SDK1: variants seen among roughly 807,000 people sequenced by gnomAD.
SDK1 encodes sidekick cell adhesion molecule 1.
In SDK1, 157 loss-of-function variants were observed where a neutral mutation model predicts 245.5. The observed-to-expected ratio is 0.64, with a 90% CI of 0.56 to 0.73. The LOEUF (loss-of-function observed/expected upper bound fraction) is 0.73. Among genes scored for constraint, SDK1 ranks in the 30% least tolerant of loss-of-function variants. The probability of loss-of-function intolerance (pLI) is 0.00; values close to 1 mark genes in which losing one functional copy is unlikely to be tolerated. For synonymous variants in SDK1, 1,647 were observed against 1,278.5 expected (o/e 1.29, Z -6.15); for missense variants, 3,583 against 3,002.3 (o/e 1.19, Z -4.52).
At chr7:3,931,374 T>C (rs1204211164) in intron 5 of SDK1, among the ~76,000 whole-genome samples, 1 of 152,216 alleles carries the variant, frequency 6.6e-6, no homozygotes, top group Non-Finnish European at 1.5e-5. Context: ...TCCTCTGCCA[T>C]GGTTTTAGAT....
At chr7:4,047,626 C>T (rs1212169129) in intron 17 of SDK1, among the ~76,000 whole-genome samples, 1 of 152,226 alleles carries the variant, frequency 6.6e-6, no homozygotes, top group African/African-American at 2.4e-5. Flanking sequence ...TCTTGTAGCT[C>T]ACATTCAGCC....
Position 4,139,511 on chromosome 7 carries a change from ATATATGTGTGTGTATGTGTGTG to A in SDK1, c.4229-6209_4229-6188del, listed in dbSNP as rs1445133550. 4.4e-4 allele frequency among the ~76,000 whole-genome samples: 21 copies of A among 47,642 alleles called. 1 individual carries two copies. The highest frequency in any genetic ancestry group is 2.1e-3 in the East Asian group (1 of 474). The allele number at this position is 47,642 out of a possible 152,430, so 31.3% of individuals were successfully genotyped here. The stretch of plus-strand genomic sequence containing the variant: ...TGTATATATGTGTGTGTGTATATGT[ATATATGTGTGTGTATGTGTGTG>A]TGTATATATGTGTGTGTATATGTAT... On this transcript the variant is annotated intron_variant, in intron 28 of 44. Transcript: ENST00000404826.
rs1184772497 is a variant in SDK1 at position 4,265,164 on chromosome 7, C to G, written c.6422C>G (p.Ser2141Cys). 6.2e-7 allele frequency: 1 copy of G among 1,612,552 alleles called. No homozygotes were observed. Among genetic ancestry groups the G allele is most frequent in the South Asian group, 1.1e-5 (1 of 91,024 alleles). The change falls in exon 45 of 45, where the codon TCC becomes TGC. Residue 2141 changes from serine to cysteine, a missense_variant. Transcript: ENST00000404826. ...SDYEDALPKH[S>C]FVNHYMSDPT... ...TACGAGGACGCGCTGCCCAAGCACT[C>G]CTTCGTGAACCACTACATGAGCGAC...
intron 5 of SDK1, among the ~76,000 whole-genome samples, chr7:3,921,615 G>A (rs2128113259): frequency 6.6e-6 from 1 of 152,222 alleles, no homozygotes; most frequent in South Asian, 2.1e-4. Context: ...AAGGAAATGA[G>A]GGAATCTAAA....
intron 4 of SDK1, among the ~76,000 whole-genome samples, chr7:3,698,954 G>A (rs1784662597): frequency 6.6e-6 from 1 of 152,122 alleles, no homozygotes; most frequent in Non-Finnish European, 1.5e-5. Flanking sequence ...TCCTACCCAG[G>A]AGAGACATCA....
intron 20 of SDK1, among the ~76,000 whole-genome samples, chr7:4,075,302 G>C (rs1454164836): frequency 6.6e-6 from 1 of 152,178 alleles, no homozygotes; most frequent in Non-Finnish European, 1.5e-5. Context: ...GGGGCCTGTG[G>C]CACGGCCAGG....
chr7:3,447,380 G>T (rs938941620), intron 1 of SDK1, among the ~76,000 whole-genome samples: 1 of 152,030 alleles, frequency 6.6e-6, no homozygotes, highest in African/African-American at 2.4e-5. Context: ...ATTGTAGGGT[G>T]TATCTCTTCA....
At chr7:4,089,074 C>G (rs1467819374) in intron 22 of SDK1, among the ~76,000 whole-genome samples, 1 of 140,622 alleles carries the variant, frequency 7.1e-6, no homozygotes, top group Admixed American at 6.8e-5. Context: ...GGAGGTGAGA[C>G]CCTCCCTCAG....
intron 1 of SDK1, among the ~76,000 whole-genome samples, chr7:3,562,556 A>G (rs1210556218): frequency 6.6e-6 from 1 of 152,252 alleles, no homozygotes; most frequent in Non-Finnish European, 1.5e-5. Flanking sequence ...GTGGCTAAGT[A>G]GACGGGTAGC....
chr7:3,687,750 C>A (rs889275859), intron 4 of SDK1, among the ~76,000 whole-genome samples: 1 of 152,174 alleles, frequency 6.6e-6, no homozygotes, highest in South Asian at 2.1e-4. Context: ...TGGATGCGAT[C>A]ATCAGAAAGT....
At chr7:3,883,685 G>A (rs1053163197) in intron 5 of SDK1, among the ~76,000 whole-genome samples, 1 of 143,332 alleles carries the variant, frequency 7.0e-6, no homozygotes, top group East Asian at 2.0e-4. Context: ...TCTGGACCTC[G>A]CTCCCTCGCT....
chr7:4,151,021 G>A (rs1421481309), intron 30 of SDK1, among the ~76,000 whole-genome samples: 1 of 152,222 alleles, frequency 6.6e-6, no homozygotes, highest in African/African-American at 2.4e-5. Context: ...TTTGAGTTGC[G>A]AGGCTTGGAG....
At chr7:4,090,026 G>A (rs1781685460) in intron 22 of SDK1, among the ~76,000 whole-genome samples, 1 of 152,152 alleles carries the variant, frequency 6.6e-6, no homozygotes, top group African/African-American at 2.4e-5. Context: ...GTGTCTTTAG[G>A]AGTCGTCCTA....
Position 3,763,882 on chromosome 7 carries a change from A to G in SDK1, c.714-57568A>G, listed in dbSNP as rs79986969. Among the ~76,000 whole-genome samples, 599 of 152,332 alleles carry G rather than the reference A, an allele frequency of 3.9e-3. 5 individuals carry two copies. Among genetic ancestry groups the G allele is most frequent in the African/African-American group, 0.014 (584 of 41,564 alleles). ...GCTCCTCACATGATTTTACGAATGT[A>G]TGCATCCGTGTCCTATAAGTCCATT... On this transcript the variant is annotated intron_variant, in intron 4 of 44. Transcript: ENST00000404826.
intron 1 of SDK1, among the ~76,000 whole-genome samples, chr7:3,522,710 A>G (rs534964476): frequency 1.2e-4 from 18 of 152,286 alleles, no homozygotes; most frequent in Non-Finnish European, 1.5e-4. Context: ...GGGACGTGCT[A>G]TCCTAATCTG....
intron 1 of SDK1, among the ~76,000 whole-genome samples, chr7:3,533,841 A>G (rs929844519): frequency 1.3e-5 from 2 of 151,488 alleles, no homozygotes; most frequent in Non-Finnish European, 2.9e-5. Flanking sequence ...TATTCAATAT[A>G]TTTCCTTTTG....
intron 1 of SDK1, among the ~76,000 whole-genome samples, chr7:3,462,778 A>T (rs1780873916): frequency 6.6e-6 from 1 of 152,142 alleles, no homozygotes; most frequent in South Asian, 2.1e-4. Flanking sequence ...AGCTGTCATC[A>T]TCTCTTTCTT....
chr7:4,170,440 C>T (rs144088137), intron 32 of SDK1, among the ~76,000 whole-genome samples: 2 of 151,796 alleles, frequency 1.3e-5, no homozygotes, highest in Admixed American at 6.6e-5. Context: ...GGGTGAGATC[C>T]TGTCTCAAAA....
intron 1 of SDK1, among the ~76,000 whole-genome samples, chr7:3,384,242 A>G (rs1370530255): frequency 2.0e-5 from 3 of 152,118 alleles, no homozygotes; most frequent in Non-Finnish European, 4.4e-5. Context: ...AGTATTTTTT[A>G]TGTATACTTT....
Sources: allele counts gnomAD v4.1 joint callset (sites outside exome capture counted in the v4.1 genomes callset), GRCh38; gene constraint gnomAD v4.1.1; transcripts MANE v1.5; gene names NCBI Gene and HGNC (gene_info 2026-07-23, HGNC 2026-07-21).